Variants in LPIN2 observed in about 807,000 individuals in gnomAD.
LPIN2 encodes the protein lipin 2.
LPIN2 carries 55 observed loss-of-function variants against 111.4 expected under a neutral mutation model. The ratio of observed to expected loss-of-function variants is 0.49; its 90% confidence interval spans 0.40 to 0.62. The LOEUF (loss-of-function observed/expected upper bound fraction) is 0.62, where lower values mean the gene tolerates loss of function less well. Ranked by LOEUF, LPIN2 falls within the 20% of genes least tolerant of loss-of-function variation. The pLI is 0.00. For synonymous variants in LPIN2, 425 were observed against 414.0 expected (o/e 1.03, Z -0.32); for missense variants, 992 against 1,112.1 (o/e 0.89, Z 1.54).
chr18:2,951,350 G>A lies in LPIN2; in HGVS notation c.295C>T (p.Leu99Phe). Reference protein sequence around the residue: ...VEETEEEYEKLPAYLATSPIP... With the variant: ...VEETEEEYEKFPAYLATSPIP... Reference sequence around the variant, plus strand: ...GGTGAGGTGGCAAGGTAAGCAGGAAGCTTTTCCTTGAGGAGAATGGAGAAA... The same window carrying A: ...GGTGAGGTGGCAAGGTAAGCAGGAAACTTTTCCTTGAGGAGAATGGAGAAA... Residue 99 changes from leucine (L) to phenylalanine (F), a missense_variant, in exon 4 of 20, where the codon CTT becomes TTT. By Grantham distance (22) the Leu-to-Phe change is conservative. This residue lies in a region of LPIN2 where 709 missense variants were observed against 753.2 expected (regional missense o/e 0.94). Transcript: ENST00000677752. 1 of 1,613,816 alleles carries A rather than the reference G, an allele frequency of 6.2e-7. No individual in the cohort carries two copies. The highest frequency in any genetic ancestry group is 8.5e-7 in the Non-Finnish European group (1 of 1,179,892).
At chr18:2,999,521 CA>C (rs1161756915) in intron 1 of LPIN2, among the ~76,000 whole-genome samples, 1 of 151,606 alleles carries the variant, frequency 6.6e-6, no homozygotes, top group Non-Finnish European at 1.5e-5. Context: ...AGGAGAATGG[CA>C]TGGCCCGGGA....
chr18:2,989,159 T>C (rs902342459), intron 1 of LPIN2, among the ~76,000 whole-genome samples: 2 of 152,176 alleles, frequency 1.3e-5, no homozygotes, highest in Admixed American at 6.5e-5. Flanking sequence ...AATGGAGGTT[T>C]AGAGAGAGGT....
Position 2,918,303 on chromosome 18 carries a change from G to A in LPIN2, c.*1990C>T, listed in dbSNP as rs962985067. 1 of 152,144 alleles carries A rather than the reference G, an allele frequency of 6.6e-6. No homozygotes were observed. The highest frequency in any genetic ancestry group is 6.6e-5 in the Admixed American group (1 of 15,266). The allele number at this position is 152,144 out of a possible 1,614,324, so 9.4% of individuals were successfully genotyped here. A position where few individuals can be genotyped will look rare whatever the true frequency, so the allele number is the denominator to read the frequency against. On this transcript the variant is annotated 3_prime_UTR_variant, in exon 20 of 20. Transcript: ENST00000677752. ...GAAACTAGTCAAAAACTCTTTAAAG[G>A]ACAACCTAAAAAGGATTAAAGATGT...
Position 2,928,578 on chromosome 18 carries a change from TG to T in LPIN2, c.1620+12del, listed in dbSNP as rs2077169770. 1 of 1,613,896 alleles carries T rather than the reference TG, an allele frequency of 6.2e-7. No homozygotes were observed. On this transcript the variant is annotated intron_variant, in intron 11 of 19. Coordinates refer to ENST00000677752, the MANE Select transcript of LPIN2 (RefSeq NM_001375808.2). Reference sequence around the variant, plus strand: ...ATGCTTTCGGAAAGGCAGCAGATGGTGGATCGCCTCACCTTAGGCAAGCTCT... The same window carrying T: ...ATGCTTTCGGAAAGGCAGCAGATGGTGATCGCCTCACCTTAGGCAAGCTCT...
In LPIN2 at chr18:2,918,783, TTCTC is replaced by T. The variant is rs2077006483; in HGVS notation, c.*1506_*1509del. On this transcript the variant is annotated 3_prime_UTR_variant, in exon 20 of 20. Coordinates refer to ENST00000677752, the MANE Select transcript of LPIN2 (RefSeq NM_001375808.2). ...AATCTGGAAAAATAACCACCCCTAT[TTCTC>T]TATCTCTAGATCAGCATTATTTTAG... 6.6e-6 allele frequency: 1 copy of T among 152,180 alleles called. No homozygotes were observed. Among genetic ancestry groups the T allele is most frequent in the African/African-American group, 2.4e-5 (1 of 41,454 alleles). The allele number at this position is 152,180 out of a possible 1,614,324, so 9.4% of individuals were successfully genotyped here.
intron 1 of LPIN2, among the ~76,000 whole-genome samples, chr18:2,995,169 A>G (rs185068218): frequency 1.6e-3 from 223 of 135,516 alleles, no homozygotes; most frequent in Admixed American, 5.6e-3. Context: ...TCTCATTAAA[A>G]AAGAACTATG....
chr18:2,948,458 T>C (rs538894895), intron 4 of LPIN2: 1 of 152,392 alleles, frequency 6.6e-6, no homozygotes, highest in African/African-American at 2.4e-5. Context: ...AGAATAATGA[T>C]TCTTGTACAA....
chr18:2,983,492 A>G (rs1421201130), intron 1 of LPIN2, among the ~76,000 whole-genome samples: 1 of 152,238 alleles, frequency 6.6e-6, no homozygotes, highest in East Asian at 1.9e-4. Context: ...AAAACCGCAA[A>G]CACACAACTC....
At chr18:2,976,418 G>T (rs2078016841) in intron 1 of LPIN2, among the ~76,000 whole-genome samples, 1 of 152,192 alleles carries the variant, frequency 6.6e-6, no homozygotes, top group African/African-American at 2.4e-5. Context: ...TTCTTATCAA[G>T]AAGTCTGATA....
chr18:2,979,387 C>T (rs963257423), intron 1 of LPIN2, among the ~76,000 whole-genome samples: 1 of 152,176 alleles, frequency 6.6e-6, no homozygotes, highest in African/African-American at 2.4e-5. Flanking sequence ...ATTCATACAG[C>T]CATTTGCTGG....
chr18:2,983,584 A>C (rs1421451739), intron 1 of LPIN2, among the ~76,000 whole-genome samples: 1 of 152,184 alleles, frequency 6.6e-6, no homozygotes, highest in Non-Finnish European at 1.5e-5. Context: ...TGTTCATCAC[A>C]AACAGCCATT....
chr18:2,955,087 A>G (rs1344028576), intron 2 of LPIN2, among the ~76,000 whole-genome samples: 1 of 152,220 alleles, frequency 6.6e-6, no homozygotes, highest in East Asian at 1.9e-4. Context: ...TTGGTCACTG[A>G]TGATGGCGGT....
In LPIN2 at chr18:2,925,396, G is replaced by A. The variant is rs764442623; in HGVS notation, c.1794-28C>T. 1.2e-6 allele frequency: 2 copies of A among 1,613,934 alleles called. No individual in the cohort carries two copies. The highest frequency in any genetic ancestry group is 1.3e-5 in the African/African-American group (1 of 75,020). On this transcript the variant is annotated intron_variant, in intron 13 of 19. Transcript: ENST00000677752. The surrounding 1 kb of genome is among the most constrained non-coding windows in gnomAD (Gnocchi z 4.1). ...GTTCAACATTAGCCCAGTTACGGAA[G>A]AGGCAGCAGGGCATTTTATTGATGA... is the stretch of plus-strand genomic sequence containing the variant.
intron 1 of LPIN2, among the ~76,000 whole-genome samples, chr18:2,987,950 T>C (rs1457929876): frequency 7.1e-6 from 1 of 141,626 alleles, no homozygotes; most frequent in Non-Finnish European, 1.5e-5. Context: ...GAGGCGGAGG[T>C]TGCAGTGAGC....
chr18:2,943,682 A>C (rs1395226357), intron 4 of LPIN2, among the ~76,000 whole-genome samples: 1 of 152,294 alleles, frequency 6.6e-6, no homozygotes. Context: ...TGGTTCCTAA[A>C]TCATGGAATA....
At chr18:2,981,964 T>C (rs1252615297) in intron 1 of LPIN2, among the ~76,000 whole-genome samples, 2 of 152,216 alleles carry the variant, frequency 1.3e-5, no homozygotes, top group Non-Finnish European at 2.9e-5. Context: ...TTCCTTCCTA[T>C]TATTTTTAAA....
chr18:2,955,073 G>A (rs2077588414), intron 2 of LPIN2, among the ~76,000 whole-genome samples: 1 of 152,168 alleles, frequency 6.6e-6, no homozygotes, highest in African/African-American at 2.4e-5. Flanking sequence ...AATCAGTGCT[G>A]TGATTGGTCA....
chr18:2,964,314 G>C (rs1001164074), intron 1 of LPIN2, among the ~76,000 whole-genome samples: 1 of 149,104 alleles, frequency 6.7e-6, no homozygotes, highest in Non-Finnish European at 1.5e-5. Context: ...AAGAAATGAG[G>C]GTTAGAAAAG....
At chr18:2,931,572 A>C (rs1371287161) in intron 8 of LPIN2, 129 bp from the exon 9 acceptor site, 1 of 842,526 alleles carries the variant, frequency 1.2e-6, no homozygotes, top group Non-Finnish European at 1.9e-6. Flanking sequence ...ACCTACAATC[A>C]GGCATAACTT....
Sources: gnomAD v4.1 joint callset for allele counts (sites outside exome capture counted in the v4.1 genomes callset) on GRCh38, gnomAD v4.1.1 for gene constraint, gnomAD v4.1.1 regional missense constraint, Gnocchi (gnomAD v3.1) non-coding constraint, MANE v1.5 for transcripts, NCBI Gene and HGNC (gene_info 2026-07-23, HGNC 2026-07-21) for gene names.